Variants in GOLGA8A observed in about 807,000 individuals in gnomAD.
GOLGA8A encodes golgin subfamily A member 8A.
In GOLGA8A, 3 loss-of-function variants were observed where a neutral mutation model predicts 22.1. That is an observed-to-expected ratio of 0.14 (90% CI 0.06 to 0.35). GOLGA8A has a LOEUF of 0.35. Ranked by LOEUF, GOLGA8A falls within the 10% of genes least tolerant of loss-of-function variation. GOLGA8A has a pLI of 1.00. For missense variants in GOLGA8A, 16 were observed against 233.2 expected (o/e 0.07, Z 6.07); for synonymous variants, 7 against 91.7 (o/e 0.08, Z 5.28).
At chr15:34,418,777 T>C (rs1327396443) in intron 2 of GOLGA8A, 2 of 146,952 alleles carry the variant, frequency 1.4e-5, no homozygotes, top group African/African-American at 5.0e-5. Context: ...GTGCCCATGG[T>C]TCAGGTGAGA....
At chr15:34,436,841 G>C (rs1893540960) in intron 1 of GOLGA8A, among the ~76,000 whole-genome samples, 1 of 149,964 alleles carries the variant, frequency 6.7e-6, no homozygotes, top group African/African-American at 2.5e-5. Flanking sequence ...CAGCCCAGGG[G>C]CAACAAGGTG....
At chr15:34,400,989 A>G (rs1892043448) in intron 5 of GOLGA8A, among the ~76,000 whole-genome samples, 1 of 87,824 alleles carries the variant, frequency 1.1e-5, no homozygotes, top group Non-Finnish European at 2.7e-5. Flanking sequence ...TCTTATCTAG[A>G]TTCCATTAAC....
chr15:34,436,719 T>G (rs994954257), intron 1 of GOLGA8A, among the ~76,000 whole-genome samples: 2 of 149,632 alleles, frequency 1.3e-5, no homozygotes, highest in African/African-American at 4.9e-5. Context: ...GATGTTCTCC[T>G]TCACCATCTG....
At chr15:34,418,294 G>GA (rs1892655780) in intron 2 of GOLGA8A, 1 of 137,414 alleles carries the variant, frequency 7.3e-6, no homozygotes, top group Non-Finnish European at 1.6e-5. Flanking sequence ...CAAAGACATT[G>GA]AGTCTAGGCC....
chr15:34,434,461 G>T (rs571516785), intron 2 of GOLGA8A, among the ~76,000 whole-genome samples: 1 of 149,404 alleles, frequency 6.7e-6, no homozygotes, highest in African/African-American at 2.5e-5. Context: ...GGCCTCCCTT[G>T]TGTGTCTGGA....
intron 2 of GOLGA8A, among the ~76,000 whole-genome samples, chr15:34,431,319 A>C (rs1475992253): frequency 3.3e-4 from 4 of 12,232 alleles, no homozygotes; most frequent in Non-Finnish European, 7.6e-4. Context: ...ATACATATAT[A>C]TATATATATA....
At chr15:34,433,171 C>CA (rs1447791684) in intron 2 of GOLGA8A, among the ~76,000 whole-genome samples, 1 of 148,572 alleles carries the variant, frequency 6.7e-6, no homozygotes, top group Non-Finnish European at 1.5e-5. Flanking sequence ...GGCCAGGACA[C>CA]ACGCAGGAGA....
Position 34,379,404 on chromosome 15 carries a change from G to A in GOLGA8A, c.*2007C>T, listed in dbSNP as rs1044272637. 6.6e-6 allele frequency: 1 copy of A among 152,368 alleles called. No individual in the cohort carries two copies. The highest frequency in any genetic ancestry group is 1.5e-5 in the Non-Finnish European group (1 of 68,010). 9.4% of individuals were successfully genotyped at this position (152,368 alleles called of 1,614,324 possible). The stretch of plus-strand genomic sequence containing the variant: ...TTAAGATACAGTTTTAAACCCATGG[G>A]CTAGAAATCATACGACTGTTAATTA... On this transcript the variant is annotated 3_prime_UTR_variant, in exon 25 of 25. Transcript: ENST00000359187.
chr15:34,428,410 A>G (rs1239483823), intron 2 of GOLGA8A, among the ~76,000 whole-genome samples: 1 of 148,420 alleles, frequency 6.7e-6, no homozygotes, highest in African/African-American at 2.5e-5. Flanking sequence ...TCACATTTCT[A>G]AGGAGCCTAA....
At chr15:34,428,720 G>A (rs1257082615) in intron 2 of GOLGA8A, 9 of 147,418 alleles carry the variant, frequency 6.1e-5, no homozygotes, top group Non-Finnish European at 1.4e-4. Flanking sequence ...AGGGGAAGAG[G>A]GCCCAAGCTG....
chr15:34,437,034 C>G (rs1394546148), intron 1 of GOLGA8A, among the ~76,000 whole-genome samples: 1 of 148,954 alleles, frequency 6.7e-6, no homozygotes, highest in Non-Finnish European at 1.5e-5. Context: ...AGCGGCCCGA[C>G]CAGCCCGGCG....
rs138017228 is a variant in GOLGA8A at position 34,433,426 on chromosome 15, A to G, written c.-1123+1957T>C. ...AACCCAAACAACTGAAAATCCAAAA[A>G]GGAATCTCAGTGCACAGTAAGAAAG... On this transcript the variant is annotated intron_variant, in intron 2 of 24. Transcript: ENST00000359187. 9.0e-3 allele frequency among the ~76,000 whole-genome samples: 1,349 copies of G among 149,344 alleles called. 111 individuals carry two copies. Among genetic ancestry groups the G allele is most frequent in the African/African-American group, 0.031 (1,270 of 40,496 alleles).
intron 2 of GOLGA8A, chr15:34,428,692 C>G (rs1298061859): frequency 6.8e-6 from 1 of 147,462 alleles, no homozygotes; most frequent in African/African-American, 2.5e-5. Flanking sequence ...AGAGGATGAA[C>G]AGCTCCCTCC....
rs1233919104 is a variant in GOLGA8A at position 34,379,943 on chromosome 15, G to C, written c.*1468C>G. 1 of 152,650 alleles carries C rather than the reference G, an allele frequency of 6.6e-6. No homozygotes were observed. 9.5% of individuals were successfully genotyped at this position (152,650 alleles called of 1,614,324 possible). A position where few individuals can be genotyped will look rare whatever the true frequency, so the allele number is the denominator to read the frequency against. On this transcript the variant is annotated 3_prime_UTR_variant, in exon 25 of 25. Coordinates refer to ENST00000359187, the MANE Select transcript of GOLGA8A (RefSeq NM_181077.5). ...TATTTCACTCTTCGTAAAGAAGTTTGTGAGGAAATACAACTCTGCGATCGT... is the reference window on the plus strand; with the variant it reads ...TATTTCACTCTTCGTAAAGAAGTTTCTGAGGAAATACAACTCTGCGATCGT...
At chr15:34,431,360 A>G (rs1349534468) in intron 2 of GOLGA8A, among the ~76,000 whole-genome samples, 1 of 124,062 alleles carries the variant, frequency 8.1e-6, no homozygotes, top group Non-Finnish European at 1.7e-5. Flanking sequence ...ACACACACAC[A>G]CTCGTGTCAC....
chr15:34,430,998 G>A (rs558403996), intron 2 of GOLGA8A, among the ~76,000 whole-genome samples: 5 of 147,188 alleles, frequency 3.4e-5, no homozygotes, highest in Non-Finnish European at 7.5e-5. Context: ...TACACCAAAA[G>A]ACTGAGAAAC....
At chr15:34,425,364 C>T (rs1892940664) in intron 2 of GOLGA8A, among the ~76,000 whole-genome samples, 1 of 138,612 alleles carries the variant, frequency 7.2e-6, no homozygotes. Flanking sequence ...AAGTGGCTGA[C>T]TAGGAAATTA....
At chr15:34,434,364 T>G (rs77496787) in intron 2 of GOLGA8A, among the ~76,000 whole-genome samples, 1 of 149,344 alleles carries the variant, frequency 6.7e-6, no homozygotes, top group African/African-American at 2.5e-5. Flanking sequence ...ACAGAAATCA[T>G]AAAGCACACA....
At chr15:34,431,345 A>ATC (rs1232402619) in intron 2 of GOLGA8A, among the ~76,000 whole-genome samples, 25 of 130,504 alleles carry the variant, frequency 1.9e-4, no homozygotes, top group African/African-American at 5.8e-4. Context: ...ATATATATAT[A>ATC]TCTCACACAC....
Sources: allele counts gnomAD v4.1 joint callset (sites outside exome capture counted in the v4.1 genomes callset), GRCh38; gene constraint gnomAD v4.1.1; transcripts MANE v1.5; gene names NCBI Gene and HGNC (gene_info 2026-07-23, HGNC 2026-07-21).